RBKS: variants seen among roughly 807,000 people sequenced by gnomAD.
The protein encoded by RBKS is ribokinase.
RBKS carries 33 observed loss-of-function variants against 33.9 expected under a neutral mutation model. The ratio of observed to expected loss-of-function variants is 0.97; its 90% CI spans 0.74 to 1.30. The LOEUF (loss-of-function observed/expected upper bound fraction) is 1.30. Ranked by LOEUF, RBKS falls within the 50% of genes most tolerant of loss-of-function variation. The pLI is 0.00. For synonymous variants in RBKS, 125 were observed against 143.0 expected, an observed-to-expected ratio of 0.87 and a Z score of 0.90; for missense variants, 361 against 392.6, an observed-to-expected ratio of 0.92 and a Z score of 0.68.
chr2:27,842,796 A>G (rs1663538389), intron 5 of RBKS, among the ~76,000 whole-genome samples: 1 of 152,020 alleles, frequency 6.6e-6, no homozygotes, highest in South Asian at 2.1e-4. Context: ...AGCTGGAATT[A>G]CAGGAATTCT....
At chr2:27,824,822 C>A (rs1411796856) in intron 7 of RBKS, among the ~76,000 whole-genome samples, 1 of 152,120 alleles carries the variant, frequency 6.6e-6, no homozygotes, top group Non-Finnish European at 1.5e-5. Flanking sequence ...TCTGGCAATA[C>A]ACTTATACTG....
chr2:27,867,863 T>C (rs1290728568), intron 1 of RBKS, among the ~76,000 whole-genome samples: 1 of 152,098 alleles, frequency 6.6e-6, no homozygotes, highest in Non-Finnish European at 1.5e-5. Flanking sequence ...AACTGGAAAG[T>C]GGGAAAATCA....
chr2:27,849,420 G>A (rs910300895), intron 2 of RBKS, among the ~76,000 whole-genome samples: 2 of 151,478 alleles, frequency 1.3e-5, no homozygotes, highest in African/African-American at 4.8e-5. Context: ...AAAATCAGCC[G>A]GGTGTGGTGG....
At chr2:27,782,310 T>G (rs1677303831) in intron 7 of RBKS, among the ~76,000 whole-genome samples, 2 of 152,058 alleles carry the variant, frequency 1.3e-5, no homozygotes, top group African/African-American at 4.8e-5. Flanking sequence ...GCATCCCAAG[T>G]AGCCAGGACT....
At chr2:27,822,481 C>T (rs1288811821) in intron 7 of RBKS, among the ~76,000 whole-genome samples, 4 of 152,146 alleles carry the variant, frequency 2.6e-5, no homozygotes, top group African/African-American at 4.8e-5. Flanking sequence ...CCGGGATGGC[C>T]GCGGGCCAGA....
chr2:27,807,963 T>C (rs1365705861), intron 7 of RBKS, among the ~76,000 whole-genome samples: 2 of 152,218 alleles, frequency 1.3e-5, no homozygotes, highest in African/African-American at 4.8e-5. Context: ...CAATTCTACA[T>C]TACATTAAAC....
intron 5 of RBKS, among the ~76,000 whole-genome samples, chr2:27,838,123 A>C (rs34096628): frequency 0.33 from 50,491 of 151,920 alleles, 9,953 homozygotes; most frequent in East Asian, 0.63. Context: ...TCACTTGAAT[A>C]TGGGAGGTGG....
intron 7 of RBKS, among the ~76,000 whole-genome samples, chr2:27,797,881 A>G (rs1178798124): frequency 2.6e-5 from 4 of 152,188 alleles, no homozygotes; most frequent in Non-Finnish European, 5.9e-5. Context: ...GACAACTGGG[A>G]ACGGCGTAGA....
intron 7 of RBKS, among the ~76,000 whole-genome samples, chr2:27,800,423 G>T (rs1558535890): frequency 6.6e-6 from 1 of 152,122 alleles, no homozygotes; most frequent in Non-Finnish European, 1.5e-5. Flanking sequence ...AAGTCACTCA[G>T]CTTTTCTGTG....
At chr2:27,827,523 C>A in intron 7 of RBKS, 44 bp downstream of exon 7, 1 of 1,469,420 alleles carries the variant, frequency 6.8e-7, no homozygotes, top group South Asian at 1.4e-5. Context: ...TACTAAGTAA[C>A]AATTTTCAAA....
chr2:27,843,595 G>T (rs1663559249), intron 4 of RBKS, among the ~76,000 whole-genome samples: 1 of 152,160 alleles, frequency 6.6e-6, no homozygotes. Context: ...AATGACAGAT[G>T]CCATAGAGAT....
chr2:27,861,472 G>A (rs1663982740), intron 1 of RBKS: 2 of 470,792 alleles, frequency 4.2e-6, no homozygotes, highest in African/African-American at 2.0e-5. Context: ...AGCAAGAACT[G>A]TAACTAGAAG....
At chr2:27,803,061 C>T (rs1231055726) in intron 7 of RBKS, among the ~76,000 whole-genome samples, 1 of 152,140 alleles carries the variant, frequency 6.6e-6, no homozygotes, top group African/African-American at 2.4e-5. Flanking sequence ...AACTCCTGGC[C>T]TCAAGTGATC....
intron 7 of RBKS, among the ~76,000 whole-genome samples, chr2:27,788,293 A>AAAAC (rs967795309): frequency 3.9e-5 from 6 of 152,244 alleles, no homozygotes; most frequent in African/African-American, 1.4e-4. Context: ...AGGAAGAAGT[A>AAAAC]AAACACTTTT....
chr2:27,877,990 CT>C (rs1274394423), intron 1 of RBKS, among the ~76,000 whole-genome samples: 2 of 149,008 alleles, frequency 1.3e-5, no homozygotes, highest in East Asian at 2.0e-4. Flanking sequence ...GGCTGTCATT[CT>C]TTTTTTTTGC....
chr2:27,861,666 G>A (rs879644685), intron 1 of RBKS: 9 of 431,704 alleles, frequency 2.1e-5, no homozygotes, highest in African/African-American at 8.3e-5. Context: ...TTCTTTTTGG[G>A]GGGGGGGTGG....
At chr2:27,889,531 T>TA (rs1664657707) in intron 1 of RBKS, among the ~76,000 whole-genome samples, 2 of 151,912 alleles carry the variant, frequency 1.3e-5, no homozygotes, top group South Asian at 2.1e-4. Flanking sequence ...TACCTTAATT[T>TA]AAAAAAAAGA....
chr2:27,830,555 C>T (rs561624852), intron 6 of RBKS, among the ~76,000 whole-genome samples: 6 of 152,260 alleles, frequency 3.9e-5, no homozygotes, highest in African/African-American at 7.2e-5. Flanking sequence ...TTAGCCACCG[C>T]GCCTGGCTCC....
At position 27,848,073 on chromosome 2, in the gene RBKS, CA is replaced by C; in HGVS notation, c.246del (p.Asn82LysfsTer4). 6.6e-7 allele frequency: 1 copy of C among 1,508,726 alleles called. No individual in the cohort carries two copies. 93.5% of individuals were successfully genotyped at this position (1,508,726 alleles called of 1,614,324 possible). ...VCKVGKDSFG[N>X]DYIENLKQND... ...TTCTGTTTTAAGTTTTCTATATAATCATTGCCAAAAGAATCTTTGCCAACCT... is the reference window on the plus strand; with the variant it reads ...TTCTGTTTTAAGTTTTCTATATAATCTTGCCAAAAGAATCTTTGCCAACCT... On this transcript the variant is annotated frameshift_variant, in exon 3 of 8. Coordinates refer to ENST00000302188, the MANE Select transcript of RBKS (RefSeq NM_022128.3). LOFTEE classifies it high-confidence loss of function.
Sources: gnomAD v4.1 joint callset for allele counts (sites outside exome capture counted in the v4.1 genomes callset) on GRCh38, gnomAD v4.1.1 for gene constraint, MANE v1.5 for transcripts, NCBI Gene and HGNC (gene_info 2026-07-23, HGNC 2026-07-21) for gene names.